The following GATA3 variants were observed in gnomAD, a reference collection of about 807,000 sequenced individuals.
The protein encoded by GATA3 is GATA binding protein 3, also known as trans-acting T-cell-specific transcription factor GATA-3.
Under a neutral mutation model 36.0 loss-of-function variants are expected in GATA3, and 6 were observed. That is an observed-to-expected ratio of 0.17 (90% CI 0.09 to 0.33). GATA3 has a LOEUF of 0.33. Among genes scored for constraint, GATA3 ranks in the 10% least tolerant of loss-of-function variants. The probability of loss-of-function intolerance (pLI) is 1.00; values close to 1 mark genes in which losing one functional copy is unlikely to be tolerated. For synonymous variants in GATA3, 326 were observed against 273.0 expected, an observed-to-expected ratio of 1.19 and a Z score of -1.92; for missense variants, 514 against 610.1, an observed-to-expected ratio of 0.84 and a Z score of 1.66.
rs1486145282 is a variant in GATA3 at position 8,054,700 on chromosome 10, G to T, written c.-561G>T. 3 of 151,080 alleles carry T rather than the reference G, an allele frequency of 2.0e-5. No individual in the cohort carries two copies. Among genetic ancestry groups the T allele is most frequent in the Non-Finnish European group, 4.4e-5 (3 of 67,920 alleles). The allele number at this position is 151,080 out of a possible 1,614,324, so 9.4% of individuals were successfully genotyped here. A position where few individuals can be genotyped will look rare whatever the true frequency, so the allele number is the denominator to read the frequency against. ...CACAGCTGTCTGCGAACACTGAGCTGCCTGGCGCCGTCTTGATACTTTCAG... is the reference window on the plus strand; with the variant it reads ...CACAGCTGTCTGCGAACACTGAGCTTCCTGGCGCCGTCTTGATACTTTCAG... On this transcript the variant is annotated 5_prime_UTR_variant, in exon 1 of 6. Coordinates refer to ENST00000379328, the MANE Select transcript of GATA3 (RefSeq NM_001002295.2). This position sits in a 1 kb window ranked among gnomAD's most constrained non-coding sequence, Gnocchi z 4.2.
At position 8,074,184 on chromosome 10, in the gene GATA3, G is replaced by C. The variant is rs540731370; in HGVS notation, c.*161G>C. On this transcript the variant is annotated 3_prime_UTR_variant, in exon 6 of 6. Coordinates refer to ENST00000379328, the MANE Select transcript of GATA3 (RefSeq NM_001002295.2). Reference sequence around the variant, plus strand: ...TTGCCACTTTGCAAAGGAGCTCACTGTGGTGTCTGTGTTCCAACCACTGAA... The same window carrying C: ...TTGCCACTTTGCAAAGGAGCTCACTCTGGTGTCTGTGTTCCAACCACTGAA... The C allele has an allele frequency of 4.0e-6, 3 of 747,472 alleles. No homozygotes were observed. The highest frequency in any genetic ancestry group is 6.4e-6 in the Non-Finnish European group (3 of 468,922). The allele number at this position is 747,472 out of a possible 1,614,324, so 46.3% of individuals were successfully genotyped here.
intron 3 of GATA3, among the ~76,000 whole-genome samples, chr10:8,060,890 CCTT>C (rs1393283226): frequency 2.0e-5 from 3 of 152,026 alleles, no homozygotes; most frequent in Admixed American, 6.5e-5. Flanking sequence ...TTTACTTCCT[CCTT>C]CTTAATTCCT....
chr10:8,046,512 C>T (rs951810259), intron 1 of GATA3, among the ~76,000 whole-genome samples: 2 of 152,164 alleles, frequency 1.3e-5, no homozygotes, highest in Middle Eastern at 3.2e-3. Flanking sequence ...AGTAGCATTT[C>T]CAAAGCCTCC....
In GATA3 at chr10:8,073,813, G is replaced by A. The variant is rs2131520699; in HGVS notation, c.1125G>A (p.Lys375=). ...RNRKMSSKSK[K]CKKVHDSLED... ...GAAAAATGTCTAGCAAATCCAAAAA[G>A]TGCAAAAAAGTGCATGACTCACTGG... The change falls in exon 6 of 6, where the codon AAG becomes AAA. Residue 375 remains lysine, a synonymous_variant. Transcript: ENST00000379328. The A allele has an allele frequency of 6.2e-7, 1 of 1,614,034 alleles. No homozygotes were observed. Among genetic ancestry groups the A allele is most frequent in the South Asian group, 1.1e-5 (1 of 91,070 alleles).
rs906078238 is a variant in GATA3, at chr10:8,055,988, C to T, written c.241+92C>T. On this transcript the variant is annotated intron_variant, in intron 2 of 5. Transcript: ENST00000379328. This position sits in a 1 kb window ranked among gnomAD's most constrained non-coding sequence, Gnocchi z 5.4. ...GAGGGACCTGAGGGCGGGGAGAGGT[C>T]AAGCGAAAGCCCCCATCTGCCGTTC... is the stretch of plus-strand genomic sequence containing the variant. 1.5e-5 allele frequency: 22 copies of T among 1,493,950 alleles called. No individual in the cohort carries two copies. Among genetic ancestry groups the T allele is most frequent in the Non-Finnish European group, 2.0e-5 (22 of 1,098,844 alleles). 92.5% of individuals were successfully genotyped at this position (1,493,950 alleles called of 1,614,324 possible).
At chr10:8,067,734 T>C (rs188165332) in intron 4 of GATA3, among the ~76,000 whole-genome samples, 1,640 of 152,182 alleles carry the variant, frequency 0.011, 15 homozygotes, top group African/African-American at 0.023. Flanking sequence ...AGGAGAATGG[T>C]GTGAACCCAG....
intron 3 of GATA3, 66 bp downstream of exon 3, chr10:8,058,907 G>C (rs905538359): frequency 6.8e-7 from 1 of 1,475,324 alleles, no homozygotes; most frequent in South Asian, 1.2e-5. Flanking sequence ...ATCCAGGGCC[G>C]CACCCAGAGG....
At chr10:8,047,087 A>C (rs989777364) in intron 1 of GATA3, among the ~76,000 whole-genome samples, 1 of 152,216 alleles carries the variant, frequency 6.6e-6, no homozygotes, top group African/African-American at 2.4e-5. Context: ...GCCTTCTTGC[A>C]GAAGATAAAC....
upstream of GATA3, among the ~76,000 whole-genome samples, chr10:8,051,903 C>G (rs1023692835): frequency 1.3e-5 from 2 of 152,200 alleles, no homozygotes; most frequent in African/African-American, 4.8e-5. Flanking sequence ...GCCTCGCTCC[C>G]TTCCCCCTTC....
chr10:8,071,184 G>C (rs1363602375), intron 5 of GATA3, among the ~76,000 whole-genome samples: 1 of 152,184 alleles, frequency 6.6e-6, no homozygotes, highest in Non-Finnish European at 1.5e-5. Flanking sequence ...TTTTACTTGA[G>C]GGAGTTATGA....
chr10:8,058,288 TC>T lies in GATA3; in HGVS notation c.242-13del, dbSNP rs1489028282. 7 of 1,613,064 alleles carry T rather than the reference TC, an allele frequency of 4.3e-6. No homozygotes were observed. Among genetic ancestry groups the T allele is most frequent in the Non-Finnish European group, 5.9e-6 (7 of 1,179,908 alleles). Reference sequence around the variant, plus strand: ...CACCCTCCTTCTCTCTCCTGCCCTTTCCCCGTTGCCCCACAGGGAGCCAGGT... The same window carrying T: ...CACCCTCCTTCTCTCTCCTGCCCTTTCCCGTTGCCCCACAGGGAGCCAGGT... On this transcript the variant is annotated splice_polypyrimidine_tract_variant and intron_variant, in intron 2 of 5. Transcript: ENST00000379328.
chr10:8,067,729 A>T (rs548022163), intron 4 of GATA3, among the ~76,000 whole-genome samples: 260 of 152,318 alleles, frequency 1.7e-3, no homozygotes, highest in Non-Finnish European at 2.2e-3. Flanking sequence ...GAGGCAGGAG[A>T]ATGGTGTGAA....
At chr10:8,058,136 G>A (rs1301152771) in intron 2 of GATA3, among the ~76,000 whole-genome samples, 169 bp from the exon 3 acceptor site, 1 of 152,176 alleles carries the variant, frequency 6.6e-6, no homozygotes, top group Non-Finnish European at 1.5e-5. Context: ...CCCCAGGTGT[G>A]CCAGGCAGGT....
Position 8,069,373 on chromosome 10 carries a change from TCTTC to T in GATA3, c.925-92_925-89del, listed in dbSNP as rs1227528369. ...GCTAGTTTTGATTTCAATGATAATT[TCTTC>T]CTTCCTTTTTTTTTTTTTCAAGCCT... On this transcript the variant is annotated intron_variant, in intron 4 of 5. Transcript: ENST00000379328. 5.7e-6 allele frequency: 7 copies of T among 1,232,066 alleles called. No individual in the cohort carries two copies. In the African/African-American group the frequency reaches 9.0e-5, roughly 16 times the overall value. The allele number at this position is 1,232,066 out of a possible 1,614,324, so 76.3% of individuals were successfully genotyped here.
upstream of GATA3, among the ~76,000 whole-genome samples, chr10:8,052,085 CCT>C (rs1832509622): frequency 6.6e-6 from 1 of 152,220 alleles, no homozygotes; most frequent in Non-Finnish European, 1.5e-5. Flanking sequence ...AGAGCAACGT[CCT>C]CTCTCCCAAT....
Position 8,055,210 on chromosome 10 carries a change from G to A in GATA3, c.-369-77G>A. On this transcript the variant is annotated intron_variant, in intron 1 of 5. Coordinates refer to ENST00000379328, the MANE Select transcript of GATA3 (RefSeq NM_001002295.2). This position sits in a 1 kb window ranked among gnomAD's most constrained non-coding sequence, Gnocchi z 5.4. Reference sequence around the variant, plus strand: ...TGCGGGTCTCGGGTGCGCTGGGCGGGCGGGCGGCGCGAGGGGAGGTTGTGC... The same window carrying A: ...TGCGGGTCTCGGGTGCGCTGGGCGGACGGGCGGCGCGAGGGGAGGTTGTGC... 1 of 269,838 alleles carries A rather than the reference G, an allele frequency of 3.7e-6. No homozygotes were observed. Among genetic ancestry groups the A allele is most frequent in the South Asian group, 7.5e-5 (1 of 13,338 alleles). The allele number at this position is 269,838 out of a possible 1,614,324, so 16.7% of individuals were successfully genotyped here.
At position 8,074,682 on chromosome 10, in the gene GATA3, C is replaced by A. The variant is rs535373567; in HGVS notation, c.*659C>A. 1.3e-5 allele frequency: 3 copies of A among 233,716 alleles called. No homozygotes were observed. Among genetic ancestry groups the A allele is most frequent in the African/African-American group, 6.6e-5 (3 of 45,460 alleles). 14.5% of individuals were successfully genotyped at this position (233,716 alleles called of 1,614,324 possible). A position where few individuals can be genotyped will look rare whatever the true frequency, so the allele number is the denominator to read the frequency against. ...TTTCTAGGCCTACATGCTTTGTGAA[C>A]AAGTCCCTGTAATTGTTGTTTGTAT... is the stretch of plus-strand genomic sequence containing the variant. On this transcript the variant is annotated 3_prime_UTR_variant, in exon 6 of 6. Coordinates refer to ENST00000379328, the MANE Select transcript of GATA3 (RefSeq NM_001002295.2).
chr10:8,054,257 C>T (rs1329855441), upstream of GATA3, among the ~76,000 whole-genome samples: 6 of 152,206 alleles, frequency 3.9e-5, no homozygotes, highest in Non-Finnish European at 7.3e-5. This position sits in a 1 kb window ranked among gnomAD's most constrained non-coding sequence, Gnocchi z 4.2. Flanking sequence ...ATGATCCATG[C>T]GTGCCTATTT....
In GATA3 at chr10:8,055,727, G is replaced by A. The variant is rs202168967; in HGVS notation, c.72G>A (p.Pro24=). ...CCGCCGTGCTCAACGGGCAGCACCC[G>A]GACACGCACCACCCGGGCCTCAGCC... ...HHPAVLNGQH[P]DTHHPGLSHS... The change falls in exon 2 of 6, where the codon CCG becomes CCA. Residue 24 remains proline (P), a synonymous_variant. Transcript: ENST00000379328. This position sits in a 1 kb window ranked among gnomAD's most constrained non-coding sequence, Gnocchi z 5.4. 1.4e-4 allele frequency: 221 copies of A among 1,571,630 alleles called. No homozygotes were observed. The highest frequency in any genetic ancestry group is 1.8e-4 in the Non-Finnish European group (211 of 1,158,650).
Sources: allele counts gnomAD v4.1 joint callset (sites outside exome capture counted in the v4.1 genomes callset), GRCh38; gene constraint gnomAD v4.1.1; non-coding constraint Gnocchi (gnomAD v3.1); transcripts MANE v1.5; gene names NCBI Gene and HGNC (gene_info 2026-07-23, HGNC 2026-07-21).